Variants in BCAS3 observed in about 807,000 individuals in gnomAD.
The protein encoded by BCAS3 is BCAS4/BCAS3 fusion.
Under a neutral mutation model 116.1 loss-of-function variants are expected in BCAS3, and 53 were observed. The ratio of observed to expected loss-of-function variants is 0.46; its 90% CI spans 0.37 to 0.57. The LOEUF is 0.57. Ranked by LOEUF, BCAS3 falls within the 20% of genes least tolerant of loss-of-function variation. BCAS3 has a pLI of 0.00. For synonymous variants in BCAS3, 391 were observed against 408.2 expected (o/e 0.96, Z 0.51); for missense variants, 917 against 1,165.4 (o/e 0.79, Z 3.10).
rs112666909 is a variant in BCAS3, at chr17:60,812,085, A to G, written c.476+4009A>G. ...AAAAAAAAGTTCATAAGTTGTTTTC[A>G]TAAGTTGTTTTATGGATGTAGACCT... is the stretch of plus-strand genomic sequence containing the variant. On this transcript the variant is annotated intron_variant, in intron 7 of 23. Transcript: ENST00000407086. Among the ~76,000 whole-genome samples the G allele has an allele frequency of 3.8e-3, 571 of 152,124 alleles. 3 individuals are homozygous for G. The highest frequency in any genetic ancestry group is 0.013 in the African/African-American group (543 of 41,504).
intron 22 of BCAS3, among the ~76,000 whole-genome samples, chr17:61,190,596 T>G (rs561149969): frequency 6.6e-6 from 1 of 151,106 alleles, no homozygotes; most frequent in Non-Finnish European, 1.5e-5. Flanking sequence ...ACAAAAAAAT[T>G]TTATTTCATT....
chr17:60,688,571 T>G (rs546029858), intron 3 of BCAS3, among the ~76,000 whole-genome samples: 2 of 152,276 alleles, frequency 1.3e-5, no homozygotes, highest in African/African-American at 4.8e-5. Context: ...CCCAGCACTT[T>G]GGGATGCCGA....
At chr17:60,810,339 G>A (rs2048686802) in intron 7 of BCAS3, 1 of 442,216 alleles carries the variant, frequency 2.3e-6, no homozygotes, top group African/African-American at 2.0e-5. Flanking sequence ...GGGGTGGCAT[G>A]GGGTCCAGGG....
At chr17:61,107,608 T>A (rs1225250284) in intron 22 of BCAS3, among the ~76,000 whole-genome samples, 1 of 152,242 alleles carries the variant, frequency 6.6e-6, no homozygotes, top group East Asian at 1.9e-4. Context: ...TTTTACGATA[T>A]GTGACCCTTT....
intron 21 of BCAS3, among the ~76,000 whole-genome samples, chr17:61,081,856 G>A (rs1407021155): frequency 2.6e-5 from 4 of 152,140 alleles, no homozygotes; most frequent in South Asian, 2.1e-4. Flanking sequence ...GCCTATGGCC[G>A]ACCATTGGCT....
At chr17:60,694,838 GAATTC>G (rs2035368899) in intron 4 of BCAS3, among the ~76,000 whole-genome samples, 1 of 152,012 alleles carries the variant, frequency 6.6e-6, no homozygotes, top group African/African-American at 2.4e-5. Context: ...CCAGTCTTCA[GAATTC>G]TTCATTGTGC....
rs994883001 is a variant in BCAS3, at chr17:61,363,293, C to A, written c.2426-5034C>A. 4.6e-5 allele frequency among the ~76,000 whole-genome samples: 7 copies of A among 152,150 alleles called. No homozygotes were observed. The highest frequency in any genetic ancestry group is 1.0e-4 in the Non-Finnish European group (7 of 68,016). On this transcript the variant is annotated intron_variant, in intron 22 of 23. Transcript: ENST00000407086. The surrounding 1 kb of genome is among the most constrained non-coding windows in gnomAD (Gnocchi z 4.9). ...CAACTTCACCTGGAAAGATAGAGCACCTTTTATGCCGTTAGAGTTTGAGCA... is the reference window on the plus strand; with the variant it reads ...CAACTTCACCTGGAAAGATAGAGCAACTTTTATGCCGTTAGAGTTTGAGCA...
chr17:60,743,550 T>G (rs1022773222), intron 5 of BCAS3, among the ~76,000 whole-genome samples: 1 of 152,190 alleles, frequency 6.6e-6, no homozygotes, highest in African/African-American at 2.4e-5. Context: ...AAACATCCAT[T>G]TAACCAGTAT....
chr17:61,137,038 A>C (rs1476116946), intron 22 of BCAS3, among the ~76,000 whole-genome samples: 1 of 152,242 alleles, frequency 6.6e-6, no homozygotes, highest in Non-Finnish European at 1.5e-5. Flanking sequence ...GTTTACTATT[A>C]GTTATTATTA....
chr17:60,891,131 G>GT lies in BCAS3; in HGVS notation c.738+1361dup, dbSNP rs551293715. On this transcript the variant is annotated intron_variant, in intron 10 of 23. Transcript: ENST00000407086. ...TTTTCAAACAAAACAAGGCATACAA[G>GT]TAAGTGTAGTGACACAATGGTATCT... Among the ~76,000 whole-genome samples the GT allele has an allele frequency of 6.5e-3, 984 of 152,218 alleles. 3 individuals are homozygous for GT. Among genetic ancestry groups the GT allele is most frequent in the Non-Finnish European group, 0.012 (805 of 68,026 alleles).
At chr17:61,014,394 A>G (rs191569319) in intron 15 of BCAS3, among the ~76,000 whole-genome samples, 53 of 152,294 alleles carry the variant, frequency 3.5e-4, no homozygotes, top group Non-Finnish European at 4.7e-4. Flanking sequence ...AATGGAACAC[A>G]TGGATCAATG....
rs553210984 is a variant in BCAS3 at position 61,371,970 on chromosome 17, A to C, written c.2593+3476A>C. Among the ~76,000 whole-genome samples, 3 of 152,362 alleles carry C rather than the reference A, an allele frequency of 2.0e-5. No individual in the cohort carries two copies. In the East Asian group the frequency reaches 5.8e-4, roughly 29 times the overall value. ...GAATTCAATCACCTATGTGATTTGCAAGTCCAGTTCTAAGACAACTGGCTG... is the reference window on the plus strand; with the variant it reads ...GAATTCAATCACCTATGTGATTTGCCAGTCCAGTTCTAAGACAACTGGCTG... On this transcript the variant is annotated intron_variant, in intron 23 of 23. Transcript: ENST00000407086.
At chr17:61,096,234 A>G (rs2073961997) in intron 22 of BCAS3, among the ~76,000 whole-genome samples, 1 of 152,236 alleles carries the variant, frequency 6.6e-6, no homozygotes, top group Non-Finnish European at 1.5e-5. Flanking sequence ...CATCTTATAT[A>G]AAAGTTTTTT....
At position 61,200,311 on chromosome 17, in the gene BCAS3, A is replaced by T. The variant is rs924493066; in HGVS notation, c.2425+115747A>T. On this transcript the variant is annotated intron_variant, in intron 22 of 23. Coordinates refer to ENST00000407086, the MANE Select transcript of BCAS3 (RefSeq NM_017679.5). The surrounding 1 kb of genome is among the most constrained non-coding windows in gnomAD (Gnocchi z 5.1). ...ATTAATACAATTAGTTAGTTAGCTT[A>T]TTATTCTTGCCTTACTGGGCAGTAC... Among the ~76,000 whole-genome samples the T allele has an allele frequency of 2.2e-4, 34 of 152,358 alleles. No individual in the cohort carries two copies. Among genetic ancestry groups the T allele is most frequent in the African/African-American group, 7.5e-4 (31 of 41,580 alleles).
chr17:60,876,603 C>T (rs1032240085), intron 9 of BCAS3, among the ~76,000 whole-genome samples: 3 of 152,078 alleles, frequency 2.0e-5, no homozygotes, highest in African/African-American at 7.2e-5. Flanking sequence ...TCTGTTGAGA[C>T]TAGCAATGAT....
rs1268867219 is a variant in BCAS3 at position 61,105,088 on chromosome 17, T to C, written c.2425+20524T>C. On this transcript the variant is annotated intron_variant, in intron 22 of 23. Transcript: ENST00000407086. The surrounding 1 kb of genome is among the most constrained non-coding windows in gnomAD (Gnocchi z 4.3). Reference sequence around the variant, plus strand: ...GGAACCATAGCTGCATTTCCATCTCTTTCATCCCTCCCTTTTTATGAGAAT... The same window carrying C: ...GGAACCATAGCTGCATTTCCATCTCCTTCATCCCTCCCTTTTTATGAGAAT... 1.3e-5 allele frequency among the ~76,000 whole-genome samples: 2 copies of C among 152,226 alleles called. No individual in the cohort carries two copies. Among genetic ancestry groups the C allele is most frequent in the Non-Finnish European group, 1.5e-5 (1 of 68,034 alleles).
At chr17:60,807,929 T>G in intron 6 of BCAS3, 75 bp from the exon 7 acceptor site, 1 of 1,045,292 alleles carries the variant, frequency 9.6e-7, no homozygotes, top group South Asian at 1.5e-5. Context: ...TCAAGTATTT[T>G]GAAAGCATGA....
chr17:61,312,557 GAACA>G (rs1394897681), intron 22 of BCAS3, among the ~76,000 whole-genome samples: 1 of 151,858 alleles, frequency 6.6e-6, no homozygotes, highest in Non-Finnish European at 1.5e-5. Context: ...TTTTTTTCTT[GAACA>G]AACATATGTA....
At chr17:61,358,087 CAAAA>C (rs11324354) in intron 22 of BCAS3, among the ~76,000 whole-genome samples, 2 of 138,684 alleles carry the variant, frequency 1.4e-5, no homozygotes, top group Admixed American at 7.3e-5. Context: ...GACTCCATCT[CAAAA>C]AAAAAAAAAA....
Sources: allele counts gnomAD v4.1 joint callset (sites outside exome capture counted in the v4.1 genomes callset), GRCh38; gene constraint gnomAD v4.1.1; non-coding constraint Gnocchi (gnomAD v3.1); transcripts MANE v1.5; gene names NCBI Gene and HGNC (gene_info 2026-07-23, HGNC 2026-07-21).